The following MAGI2 variants were observed in gnomAD, a reference collection of about 807,000 sequenced individuals.
MAGI2 encodes the protein membrane-associated guanylate kinase, WW and PDZ domain-containing protein 2.
MAGI2 carries 35 observed loss-of-function variants against 133.3 expected under a neutral mutation model. The observed-to-expected ratio is 0.26, with a 90% CI of 0.20 to 0.35. MAGI2 has a LOEUF of 0.35. Ranked by LOEUF, MAGI2 falls within the 10% of genes least tolerant of loss-of-function variation. The probability of loss-of-function intolerance (pLI) is 1.00; values close to 1 mark genes in which losing one functional copy is unlikely to be tolerated. For synonymous variants in MAGI2, 729 were observed against 710.6 expected (o/e 1.03, Z -0.41); for missense variants, 1,636 against 1,863.4 (o/e 0.88, Z 2.25).
intron 1 of MAGI2, among the ~76,000 whole-genome samples, chr7:79,269,018 G>T (rs1411617694): frequency 2.0e-5 from 3 of 152,158 alleles, no homozygotes; most frequent in African/African-American, 7.2e-5. Flanking sequence ...ACAATCACGG[G>T]AAATGGTGGA....
At chr7:78,042,883 A>G (rs150491235) in intron 21 of MAGI2, among the ~76,000 whole-genome samples, 32 of 152,356 alleles carry the variant, frequency 2.1e-4, no homozygotes, top group African/African-American at 6.7e-4. Context: ...TACAATTGCC[A>G]GACCCCACGA....
At chr7:78,337,499 G>A (rs959081768) in intron 9 of MAGI2, among the ~76,000 whole-genome samples, 1 of 152,088 alleles carries the variant, frequency 6.6e-6, no homozygotes, top group African/African-American at 2.4e-5. Flanking sequence ...TTTTCTTTGT[G>A]CCTACACAAA....
chr7:78,077,415 T>TAC (rs1815441836), intron 21 of MAGI2, among the ~76,000 whole-genome samples: 2 of 150,478 alleles, frequency 1.3e-5, no homozygotes, highest in Admixed American at 6.6e-5. Flanking sequence ...TATATATATA[T>TAC]ATATTTAAAA....
At chr7:78,954,251 A>G (rs1277364575) in intron 2 of MAGI2, among the ~76,000 whole-genome samples, 1 of 152,116 alleles carries the variant, frequency 6.6e-6, no homozygotes. Flanking sequence ...CTTTTCAGCA[A>G]TAAGTTTTTA....
chr7:78,804,880 C>T (rs1788432320), intron 2 of MAGI2, among the ~76,000 whole-genome samples: 1 of 151,076 alleles, frequency 6.6e-6, no homozygotes, highest in Non-Finnish European at 1.5e-5. Flanking sequence ...CCAGTCTGGC[C>T]AACATGGCAA....
At chr7:78,556,849 G>A (rs1402438355) in intron 3 of MAGI2, among the ~76,000 whole-genome samples, 3 of 152,020 alleles carry the variant, frequency 2.0e-5, no homozygotes, top group Admixed American at 2.0e-4. Flanking sequence ...AGCACTTTGG[G>A]AGGCTGAGGC....
At chr7:78,782,637 T>C (rs188729891) in intron 2 of MAGI2, among the ~76,000 whole-genome samples, 1 of 152,052 alleles carries the variant, frequency 6.6e-6, no homozygotes, top group East Asian at 1.9e-4. Flanking sequence ...GAGAAAAGAT[T>C]TGAAGCCATT....
intron 21 of MAGI2, among the ~76,000 whole-genome samples, chr7:78,068,710 G>C (rs1449456221): frequency 2.6e-5 from 4 of 152,184 alleles, no homozygotes; most frequent in Non-Finnish European, 5.9e-5. Flanking sequence ...TATTTGACTA[G>C]GGGAAACCAG....
chr7:78,857,624 G>A (rs1313439880), intron 2 of MAGI2, among the ~76,000 whole-genome samples: 13 of 152,164 alleles, frequency 8.5e-5, no homozygotes, highest in Admixed American at 8.5e-4. Context: ...TGGTGGATAA[G>A]CTTTTTGATG....
At chr7:79,367,659 G>A (rs1298700902) in intron 1 of MAGI2, among the ~76,000 whole-genome samples, 2 of 151,776 alleles carry the variant, frequency 1.3e-5, no homozygotes, top group East Asian at 1.9e-4. Flanking sequence ...TTTTAGCACA[G>A]TACCTGGCAT....
chr7:78,425,614 G>A (rs1395984002), intron 6 of MAGI2, among the ~76,000 whole-genome samples: 1 of 152,184 alleles, frequency 6.6e-6, no homozygotes, highest in Non-Finnish European at 1.5e-5. Flanking sequence ...GAGATCAGTT[G>A]CTACAGAGAT....
intron 1 of MAGI2, among the ~76,000 whole-genome samples, chr7:79,056,000 G>C (rs766405156): frequency 2.8e-4 from 43 of 152,242 alleles, no homozygotes; most frequent in Non-Finnish European, 2.1e-4. Flanking sequence ...AAAGAAACAG[G>C]TAAAACATTA....
intron 15 of MAGI2, among the ~76,000 whole-genome samples, chr7:78,161,683 A>G (rs1417235318): frequency 4.1e-5 from 6 of 145,996 alleles, no homozygotes; most frequent in Admixed American, 6.8e-5. Context: ...AAAAAAAAAA[A>G]AAAAGAAAAA....
intron 2 of MAGI2, among the ~76,000 whole-genome samples, chr7:78,905,097 A>C (rs1797900096): frequency 6.6e-6 from 1 of 152,100 alleles, no homozygotes; most frequent in Non-Finnish European, 1.5e-5. Context: ...GCTGACTTCC[A>C]TAATCTTATC....
chr7:79,167,397 CA>C (rs10542271), intron 1 of MAGI2, among the ~76,000 whole-genome samples: 39,730 of 84,308 alleles, frequency 0.47, 7,763 homozygotes, highest in Middle Eastern at 0.63. Context: ...CCAAAAATGG[CA>C]AAAAAAAAAA....
At chr7:79,022,661 A>G (rs1323907098) in intron 1 of MAGI2, among the ~76,000 whole-genome samples, 2 of 151,610 alleles carry the variant, frequency 1.3e-5, no homozygotes, top group Admixed American at 1.3e-4. Context: ...AAAAAAAAAA[A>G]ACCACATTCA....
chr7:78,118,812 C>T (rs1820135615), intron 20 of MAGI2, among the ~76,000 whole-genome samples: 1 of 152,194 alleles, frequency 6.6e-6, no homozygotes, highest in Non-Finnish European at 1.5e-5. Flanking sequence ...CAAAACTCAA[C>T]ATACTTGTAT....
At chr7:78,249,274 T>G (rs933735312) in intron 10 of MAGI2, among the ~76,000 whole-genome samples, 2 of 152,028 alleles carry the variant, frequency 1.3e-5, no homozygotes, top group Non-Finnish European at 2.9e-5. Flanking sequence ...GCAATGTAAA[T>G]TAGTATAGCC....
chr7:78,293,937 G>T (rs372374325), intron 9 of MAGI2, among the ~76,000 whole-genome samples: 1 of 152,172 alleles, frequency 6.6e-6, no homozygotes, highest in East Asian at 1.9e-4. Flanking sequence ...GCCTGTCATG[G>T]TGTTGGGGGA....
Sources: allele counts gnomAD v4.1 joint callset (sites outside exome capture counted in the v4.1 genomes callset), GRCh38; gene constraint gnomAD v4.1.1; transcripts MANE v1.5; gene names NCBI Gene and HGNC (gene_info 2026-07-23, HGNC 2026-07-21).